ANKS1B: variants seen among roughly 807,000 people sequenced by gnomAD.
The protein encoded by ANKS1B is ankyrin repeat and sterile alpha motif domain-containing protein 1B.
ANKS1B carries 36 observed loss-of-function variants against 148.3 expected under a neutral mutation model. The observed-to-expected ratio is 0.24, with a 90% CI of 0.19 to 0.32. The LOEUF (loss-of-function observed/expected upper bound fraction) is 0.32, where lower values mean the gene tolerates loss of function less well. Ranked by LOEUF, ANKS1B falls within the 10% of genes least tolerant of loss-of-function variation. The probability of loss-of-function intolerance (pLI) is 1.00; values close to 1 mark genes in which losing one functional copy is unlikely to be tolerated. For missense variants in ANKS1B, 1,157 were observed against 1,542.6 expected (o/e 0.75, Z 4.19); for synonymous variants, 542 against 560.8 (o/e 0.97, Z 0.47).
chr12:99,715,203 T>C (rs2057149483), intron 8 of ANKS1B, among the ~76,000 whole-genome samples: 1 of 152,172 alleles, frequency 6.6e-6, no homozygotes, highest in South Asian at 2.1e-4. Flanking sequence ...GAGCCCAAGC[T>C]AAGCCATCAT....
chr12:99,655,250 T>C (rs1302409916), intron 8 of ANKS1B, 40 bp from the exon 9 acceptor site: 6 of 1,482,572 alleles, frequency 4.0e-6, no homozygotes, highest in Non-Finnish European at 5.5e-6. Flanking sequence ...ATTATATCAA[T>C]GATATTTAGA....
intron 1 of ANKS1B, among the ~76,000 whole-genome samples, chr12:99,892,014 G>T (rs920962726): frequency 1.3e-5 from 2 of 151,938 alleles, no homozygotes; most frequent in Admixed American, 6.6e-5. Flanking sequence ...TTTTTTGTTT[G>T]TTTGTTTGAG....
chr12:99,703,707 C>T (rs2055253173), intron 8 of ANKS1B, among the ~76,000 whole-genome samples: 1 of 152,070 alleles, frequency 6.6e-6, no homozygotes, highest in South Asian at 2.1e-4. Flanking sequence ...CTGTACTTGT[C>T]TCATAATTCT....
At chr12:99,450,410 T>C (rs145429034) in intron 10 of ANKS1B, among the ~76,000 whole-genome samples, 40 of 152,310 alleles carry the variant, frequency 2.6e-4, no homozygotes, top group Non-Finnish European at 5.0e-4. Flanking sequence ...GTTGAACTTA[T>C]AAAATTAAAC....
At chr12:98,764,999 T>A (rs2098461514) in intron 25 of ANKS1B, among the ~76,000 whole-genome samples, 1 of 152,218 alleles carries the variant, frequency 6.6e-6, no homozygotes, top group Non-Finnish European at 1.5e-5. Flanking sequence ...GGAATCTGAC[T>A]TTTTTCCTCA....
At chr12:99,297,103 T>C (rs2080976493) in intron 12 of ANKS1B, among the ~76,000 whole-genome samples, 1 of 152,200 alleles carries the variant, frequency 6.6e-6, no homozygotes, top group South Asian at 2.1e-4. Flanking sequence ...TGTGAATATC[T>C]AGAACAAATA....
chr12:98,800,211 GAAAATGA>G (rs1213235794), intron 21 of ANKS1B, among the ~76,000 whole-genome samples: 1 of 35,344 alleles, frequency 2.8e-5, no homozygotes, highest in Non-Finnish European at 5.5e-5. Context: ...GCAGAAAGCA[GAAAATGA>G]AAAAAAAAAA....
chr12:99,578,836 T>C (rs921966895), intron 9 of ANKS1B, among the ~76,000 whole-genome samples: 2 of 152,026 alleles, frequency 1.3e-5, no homozygotes, highest in South Asian at 2.1e-4. Context: ...TTCACAAAAT[T>C]AGAAAAAAAT....
intron 9 of ANKS1B, among the ~76,000 whole-genome samples, chr12:99,541,282 T>C (rs948155937): frequency 6.6e-6 from 1 of 152,182 alleles, no homozygotes; most frequent in Admixed American, 6.5e-5. Flanking sequence ...AAATTCATTT[T>C]AGGAATCTTG....
chr12:99,403,895 T>A (rs541863190), intron 11 of ANKS1B, among the ~76,000 whole-genome samples: 1 of 146,246 alleles, frequency 6.8e-6, no homozygotes, highest in African/African-American at 2.6e-5. Context: ...GCAGCACTAT[T>A]CACAACGGCA....
At position 99,946,964 on chromosome 12, in the gene ANKS1B, G is replaced by A. The variant is rs74968814; in HGVS notation, c.134+37140C>T. On this transcript the variant is annotated intron_variant, in intron 1 of 26. Transcript: ENST00000683438. ...ATGTTTTTAAGACAGCAAGTTTGTG[G>A]TGGTTTGTTAGGAAGCACTACTGGG... 3.2e-3 allele frequency among the ~76,000 whole-genome samples: 489 copies of A among 151,858 alleles called. 14 individuals are homozygous for A. In the East Asian group the frequency reaches 0.085, roughly 26 times the overall value.
intron 9 of ANKS1B, among the ~76,000 whole-genome samples, chr12:99,632,810 G>A (rs1197718325): frequency 2.2e-5 from 3 of 134,158 alleles, no homozygotes; most frequent in Admixed American, 1.6e-4. Context: ...TGCACAATGT[G>A]CAGGTTTGTT....
chr12:99,927,441 A>AAT (rs559834080), intron 1 of ANKS1B, among the ~76,000 whole-genome samples: 94 of 152,318 alleles, frequency 6.2e-4, no homozygotes, highest in Admixed American at 1.1e-3. Flanking sequence ...ATTATTCAAA[A>AAT]ATATATATAT....
chr12:98,752,946 G>C (rs2098131476), intron 25 of ANKS1B, among the ~76,000 whole-genome samples: 1 of 152,068 alleles, frequency 6.6e-6, no homozygotes, highest in African/African-American at 2.4e-5. Context: ...TAGAGGAGAG[G>C]CATTAGTCAT....
At chr12:99,484,310 G>T (rs1352510836) in intron 10 of ANKS1B, among the ~76,000 whole-genome samples, 2 of 151,870 alleles carry the variant, frequency 1.3e-5, no homozygotes, top group African/African-American at 4.8e-5. Flanking sequence ...AGTTTTGAGG[G>T]TTCCTTTTTG....
chr12:98,749,659 G>A (rs974579211), intron 26 of ANKS1B, among the ~76,000 whole-genome samples: 3 of 152,224 alleles, frequency 2.0e-5, no homozygotes, highest in East Asian at 3.9e-4. Context: ...GCCTCAGGTA[G>A]GAGTGAGCAT....
In ANKS1B at chr12:99,107,722, T is replaced by C. The variant is rs542768853; in HGVS notation, c.2527-22699A>G. 3.9e-5 allele frequency among the ~76,000 whole-genome samples: 6 copies of C among 152,290 alleles called. No homozygotes were observed. In the South Asian group the frequency reaches 1.2e-3, roughly 32 times the overall value. ...GTGAGTTGTAACACAGGCTCACTTG[T>C]AGGTTTGCCACAATTTTCTTGCAAT... On this transcript the variant is annotated intron_variant, in intron 15 of 26. Coordinates refer to ENST00000683438, the MANE Select transcript of ANKS1B (RefSeq NM_001352186.2).
chr12:98,829,792 G>A lies in ANKS1B; in HGVS notation c.2887-439C>T, dbSNP rs1487363494. On this transcript the variant is annotated intron_variant, in intron 18 of 26. Coordinates refer to ENST00000683438, the MANE Select transcript of ANKS1B (RefSeq NM_001352186.2). The surrounding 1 kb of genome is among the most constrained non-coding windows in gnomAD (Gnocchi z 5.2). The stretch of plus-strand genomic sequence containing the variant: ...AAGAATGGTCTGACAACAGGGTTGG[G>A]AAGAGGACACAGTACGGCAACACAG... 6.6e-6 allele frequency among the ~76,000 whole-genome samples: 1 copy of A among 152,188 alleles called. No homozygotes were observed. Among genetic ancestry groups the A allele is most frequent in the African/African-American group, 2.4e-5 (1 of 41,458 alleles).
chr12:99,617,818 AC>A (rs1390384571), intron 9 of ANKS1B, among the ~76,000 whole-genome samples: 79 of 150,584 alleles, frequency 5.2e-4, no homozygotes, highest in African/African-American at 7.1e-4. Context: ...AAAAAAAAAA[AC>A]AAAACAAAGC....
Sources: gnomAD v4.1 joint callset for allele counts (sites outside exome capture counted in the v4.1 genomes callset) on GRCh38, gnomAD v4.1.1 for gene constraint, Gnocchi (gnomAD v3.1) non-coding constraint, MANE v1.5 for transcripts, NCBI Gene and HGNC (gene_info 2026-07-23, HGNC 2026-07-21) for gene names.